Variants in ERCC8 observed in about 807,000 individuals in gnomAD.
The protein encoded by ERCC8 is DNA excision repair protein ERCC-8.
ERCC8 carries 52 observed loss-of-function variants against 54.9 expected under a neutral mutation model. That is an observed-to-expected ratio of 0.95 (90% CI 0.76 to 1.19). The LOEUF is 1.19. Ranked by LOEUF, ERCC8 falls within the 50% of genes most tolerant of loss-of-function variation. The pLI is 0.00. For missense variants in ERCC8, 514 were observed against 466.1 expected, an observed-to-expected ratio of 1.10 and a Z score of -0.95; for synonymous variants, 146 against 157.2, an observed-to-expected ratio of 0.93 and a Z score of 0.53.
In ERCC8 at chr5:60,938,393, C is replaced by T. The variant is rs537961143; in HGVS notation, c.77+6539G>A. On this transcript the variant is annotated intron_variant, in intron 1 of 11. Coordinates refer to ENST00000676185, the MANE Select transcript of ERCC8 (RefSeq NM_000082.4). ...TTTTTGAGACGGAGTCTCGCTCTGT[C>T]GCCAGGCTGGAGTGCAGTGACACTA... 1.9e-4 allele frequency among the ~76,000 whole-genome samples: 26 copies of T among 134,094 alleles called. 1 individual carries two copies. Among genetic ancestry groups the T allele is most frequent in the South Asian group, 9.5e-4 (4 of 4,220 alleles). The allele number at this position is 134,094 out of a possible 152,430, so 88.0% of individuals were successfully genotyped here. A position where few individuals can be genotyped will look rare whatever the true frequency, so the allele number is the denominator to read the frequency against.
At chr5:60,918,699 A>G (rs1561510570) in intron 3 of ERCC8, 2 of 358,234 alleles carry the variant, frequency 5.6e-6, no homozygotes, top group Non-Finnish European at 1.1e-5. Flanking sequence ...TGAAAGAGTG[A>G]TTTGGTCTTA....
chr5:60,927,491 T>A, intron 2 of ERCC8, among the ~76,000 whole-genome samples: 1 of 152,250 alleles, frequency 6.6e-6, no homozygotes, highest in East Asian at 1.9e-4. Flanking sequence ...CTATGTGCTG[T>A]ATTAAAAGAT....
At chr5:60,923,539 T>C (rs1254021409) in intron 2 of ERCC8, among the ~76,000 whole-genome samples, 2 of 152,262 alleles carry the variant, frequency 1.3e-5, no homozygotes, top group Middle Eastern at 3.4e-3. Flanking sequence ...ATGAGGTATA[T>C]GATAAGTTCA....
At chr5:60,900,323 A>G (rs1445631171) in intron 7 of ERCC8, among the ~76,000 whole-genome samples, 1 of 151,942 alleles carries the variant, frequency 6.6e-6, no homozygotes, top group Non-Finnish European at 1.5e-5. Context: ...CAAGTAAGCA[A>G]AAAGAAGAAA....
intron 5 of ERCC8, among the ~76,000 whole-genome samples, chr5:60,904,267 T>A (rs1037244280): frequency 6.6e-6 from 1 of 151,806 alleles, no homozygotes; most frequent in African/African-American, 2.4e-5. Flanking sequence ...ATAAAAGAGG[T>A]AGAGACTCAC....
rs4647105 is a variant in ERCC8, at chr5:60,902,460, T to C, written c.599A>G (p.Tyr200Cys). The C allele has an allele frequency of 6.8e-6, 11 of 1,612,148 alleles. No individual in the cohort carries two copies. In the East Asian group the frequency reaches 8.9e-5, roughly 13 times the overall value. Reference protein sequence around the residue: ...LAVSWSPRYDYILATASADSR... With the variant: ...LAVSWSPRYDCILATASADSR... ...ATTTTACCTTGCTGTTGCCAAGATA[T>C]AGTCATAACGTGGAGACCAGGAAAC... The change falls in exon 7 of 12, where the codon TAT (tyrosine) becomes TGT (cysteine). Residue 200 changes from tyrosine to cysteine, a missense_variant. Physicochemically the swap from Tyr to Cys is radical, Grantham distance 194. Coordinates refer to ENST00000676185, the MANE Select transcript of ERCC8 (RefSeq NM_000082.4).
intron 3 of ERCC8, among the ~76,000 whole-genome samples, chr5:60,921,302 T>C (rs1013359667): frequency 6.6e-6 from 1 of 152,050 alleles, no homozygotes; most frequent in Non-Finnish European, 1.5e-5. Context: ...TAATAGATAG[T>C]TGATGTTAAT....
intron 2 of ERCC8, among the ~76,000 whole-genome samples, chr5:60,928,167 C>T (rs553340029): frequency 1.6e-4 from 25 of 152,046 alleles, no homozygotes; most frequent in Non-Finnish European, 2.6e-4. Context: ...AGTGTTATGA[C>T]GAATTGTAAG....
At position 60,868,463 on chromosome 5, in the gene ERCC8, G is replaced by T. The variant is rs139763500; in HGVS notation, c.*6152C>A. Among the ~76,000 whole-genome samples, 3 of 152,078 alleles carry T rather than the reference G, an allele frequency of 2.0e-5. No individual in the cohort carries two copies. Among genetic ancestry groups the T allele is most frequent in the Admixed American group, 2.0e-4 (3 of 15,266 alleles). ...TACACACAGAGAACTAAGAGAGGTC[G>T]CAACATAGTTCTTTAATTTTACCCC... On this transcript the variant is annotated 3_prime_UTR_variant, in exon 12 of 12. Coordinates refer to ENST00000676185, the MANE Select transcript of ERCC8 (RefSeq NM_000082.4).
chr5:60,892,596 G>T, intron 9 of ERCC8: 1 of 672,980 alleles, frequency 1.5e-6, no homozygotes, highest in African/African-American at 1.8e-5. Flanking sequence ...GTGCTCAGTA[G>T]TCTGGTACCC....
In ERCC8 at chr5:60,894,240, T is replaced by A. The variant is rs575831812; in HGVS notation, c.844-3154A>T. Reference sequence around the variant, plus strand: ...ACCTCGTGATCTGCCTGCCTTGATCTCCCAAAGTGCTGGGATTACAGGCGT... The same window carrying A: ...ACCTCGTGATCTGCCTGCCTTGATCACCCAAAGTGCTGGGATTACAGGCGT... On this transcript the variant is annotated intron_variant, in intron 9 of 11. Transcript: ENST00000676185. 4.6e-5 allele frequency among the ~76,000 whole-genome samples: 7 copies of A among 152,248 alleles called. No homozygotes were observed. The East Asian group carries it at 1.4e-3, about 29-fold the overall frequency.
chr5:60,943,488 T>A (rs920864532), intron 1 of ERCC8, among the ~76,000 whole-genome samples: 1 of 152,120 alleles, frequency 6.6e-6, no homozygotes, highest in Non-Finnish European at 1.5e-5. Flanking sequence ...TCTTTCAAAG[T>A]CTATGGGTGA....
At chr5:60,885,910 A>G (rs1367309018) in intron 11 of ERCC8, among the ~76,000 whole-genome samples, 1 of 152,162 alleles carries the variant, frequency 6.6e-6, no homozygotes, top group South Asian at 2.1e-4. Flanking sequence ...ACAGTATATG[A>G]AAAATGTTTT....
At chr5:60,936,369 C>T (rs185830878) in intron 1 of ERCC8, among the ~76,000 whole-genome samples, 2 of 152,070 alleles carry the variant, frequency 1.3e-5, no homozygotes, top group African/African-American at 4.8e-5. Flanking sequence ...TAATATCTCC[C>T]ATTTTGTTTC....
At chr5:60,920,370 A>G (rs1244585264) in intron 3 of ERCC8, among the ~76,000 whole-genome samples, 4 of 152,130 alleles carry the variant, frequency 2.6e-5, no homozygotes, top group South Asian at 2.1e-4. Flanking sequence ...TAATGTAGTG[A>G]TAACAAATAA....
intron 10 of ERCC8, among the ~76,000 whole-genome samples, chr5:60,889,029 A>C (rs12654306): frequency 0.39 from 58,923 of 151,976 alleles, 12,398 homozygotes; most frequent in East Asian, 0.8. Context: ...GACTTTGATA[A>C]TTTTGGATAT....
rs963127178 is a variant in ERCC8 at position 60,866,784 on chromosome 5, T to C, written c.*7831A>G. ...CCATTTTTAAATGCTTTAGAAAATA[T>C]GATGATTTGTGATTTTAGAGCAGGA... On this transcript the variant is annotated 3_prime_UTR_variant, in exon 12 of 12. Transcript: ENST00000676185. 6.6e-6 allele frequency: 1 copy of C among 152,198 alleles called. No homozygotes were observed. The highest frequency in any genetic ancestry group is 6.5e-5 in the Admixed American group (1 of 15,278). 9.4% of individuals were successfully genotyped at this position (152,198 alleles called of 1,614,324 possible).
chr5:60,882,644 C>T (rs988239047), intron 11 of ERCC8, among the ~76,000 whole-genome samples: 11 of 152,154 alleles, frequency 7.2e-5, no homozygotes, highest in African/African-American at 2.7e-4. Context: ...GCCTTGGCCT[C>T]CCAAAGTGCT....
intron 9 of ERCC8, among the ~76,000 whole-genome samples, chr5:60,894,312 T>C (rs560842838): frequency 2.6e-5 from 4 of 152,246 alleles, no homozygotes; most frequent in African/African-American, 9.6e-5. Context: ...AATAATTAAA[T>C]AGCAAAAGCT....
Sources: gnomAD v4.1 joint callset for allele counts (sites outside exome capture counted in the v4.1 genomes callset) on GRCh38, gnomAD v4.1.1 for gene constraint, MANE v1.5 for transcripts, NCBI Gene and HGNC (gene_info 2026-07-23, HGNC 2026-07-21) for gene names.